PAQR5: variants seen among roughly 807,000 people sequenced by gnomAD.
PAQR5 encodes membrane progestin receptor gamma.
PAQR5 carries 20 observed loss-of-function variants against 34.5 expected under a neutral mutation model. The ratio of observed to expected loss-of-function variants is 0.58; its 90% CI spans 0.41 to 0.84. The LOEUF (loss-of-function observed/expected upper bound fraction) is 0.84. Among genes scored for constraint, PAQR5 ranks in the 40% least tolerant of loss-of-function variants. PAQR5 has a pLI of 0.00. For synonymous variants in PAQR5, 131 were observed against 155.6 expected, an observed-to-expected ratio of 0.84 and a Z score of 1.18; for missense variants, 378 against 412.7, an observed-to-expected ratio of 0.92 and a Z score of 0.73.
chr15:69,402,778 C>T (rs1000822091), intron 8 of PAQR5, among the ~76,000 whole-genome samples: 2 of 152,194 alleles, frequency 1.3e-5, no homozygotes, highest in Non-Finnish European at 2.9e-5. Context: ...TCATTCAGCC[C>T]ATAACACATG....
intron 6 of PAQR5, among the ~76,000 whole-genome samples, chr15:69,396,122 C>G (rs1005745838): frequency 6.6e-6 from 1 of 151,158 alleles, no homozygotes; most frequent in African/African-American, 2.4e-5. Flanking sequence ...GAGGAGGGTT[C>G]CCTAACTGCC....
At chr15:69,390,548 T>C (rs1323177762) in intron 6 of PAQR5, among the ~76,000 whole-genome samples, 2 of 152,098 alleles carry the variant, frequency 1.3e-5, no homozygotes, top group Non-Finnish European at 2.9e-5. Context: ...CTGGTTCCAT[T>C]TGCTGGACAA....
chr15:69,309,324 C>A (rs777619289), intron 1 of PAQR5, among the ~76,000 whole-genome samples: 1 of 152,160 alleles, frequency 6.6e-6, no homozygotes, highest in African/African-American at 2.4e-5. Flanking sequence ...GCTCCAGGCG[C>A]AGGGCATGGG....
chr15:69,404,056 G>T lies in PAQR5; in HGVS notation c.*234G>T. The T allele has an allele frequency of 2.1e-6, 1 of 465,184 alleles. No individual in the cohort carries two copies. The highest frequency in any genetic ancestry group is 3.7e-5 in the South Asian group (1 of 27,370). The allele number at this position is 465,184 out of a possible 1,614,324, so 28.8% of individuals were successfully genotyped here. Reference sequence around the variant, plus strand: ...TATGGTTCAAGCAAGTCCTTGTTAAGGCAAACTATTGATATTTCATTAATT... The same window carrying T: ...TATGGTTCAAGCAAGTCCTTGTTAATGCAAACTATTGATATTTCATTAATT... On this transcript the variant is annotated 3_prime_UTR_variant, in exon 9 of 9. Transcript: ENST00000395407.
At chr15:69,373,284 TAACC>T (rs2055612489) in intron 3 of PAQR5, among the ~76,000 whole-genome samples, 1 of 2,374 alleles carries the variant, frequency 4.2e-4, no homozygotes, top group African/African-American at 5.1e-4. Context: ...TGTAACCTAA[TAACC>T]TAATATATTC....
In PAQR5 at chr15:69,315,066, G is replaced by A. The variant is rs1038191380; in HGVS notation, c.-277+16010G>A. Among the ~76,000 whole-genome samples the A allele has an allele frequency of 4.1e-4, 63 of 152,216 alleles. 1 individual carries two copies. Among genetic ancestry groups the A allele is most frequent in the African/African-American group, 1.5e-3 (61 of 41,528 alleles). On this transcript the variant is annotated intron_variant, in intron 1 of 8. Coordinates refer to ENST00000395407, the MANE Select transcript of PAQR5 (RefSeq NM_017705.4). Reference sequence around the variant, plus strand: ...CTATTCTCTCAGCCTGGGATGAGGAGACTGAAGGGTGTGCAGCTTGTGCAG... The same window carrying A: ...CTATTCTCTCAGCCTGGGATGAGGAAACTGAAGGGTGTGCAGCTTGTGCAG...
chr15:69,343,138 T>C (rs2054683785), intron 2 of PAQR5, among the ~76,000 whole-genome samples: 1 of 152,248 alleles, frequency 6.6e-6, no homozygotes, highest in East Asian at 1.9e-4. Context: ...CATGTTTCCA[T>C]TTTAAAGCAA....
rs1360531654 is a variant in PAQR5, at chr15:69,322,811, G to GGAAGAAGAAGAAGAAGAAGAAGAA, written c.-276-14527_-276-14504dup. ...ACGAGGAAGAAGAAGAAGAGGAAGA[G>GGAAGAAGAAGAAGAAGAAGAAGAA]GAAGAAGAAGAAGAAGAAGAAGAAG... On this transcript the variant is annotated intron_variant, in intron 1 of 8. Transcript: ENST00000395407. Among the ~76,000 whole-genome samples, 24 of 25,364 alleles carry GGAAGAAGAAGAAGAAGAAGAAGAA rather than the reference G, an allele frequency of 9.5e-4. 10 individuals are homozygous for GGAAGAAGAAGAAGAAGAAGAAGAA. Among genetic ancestry groups the GGAAGAAGAAGAAGAAGAAGAAGAA allele is most frequent in the African/African-American group, 2.0e-3 (22 of 10,832 alleles). The allele number at this position is 25,364 out of a possible 152,430, so 16.6% of individuals were successfully genotyped here. A position where few individuals can be genotyped will look rare whatever the true frequency, so the allele number is the denominator to read the frequency against.
intron 3 of PAQR5, among the ~76,000 whole-genome samples, chr15:69,368,198 A>G (rs1400598312): frequency 6.6e-6 from 1 of 151,912 alleles, no homozygotes; most frequent in Non-Finnish European, 1.5e-5. Flanking sequence ...GATTACGGGC[A>G]TGCACCACCA....
At chr15:69,307,315 C>G (rs1233797303) in intron 1 of PAQR5, among the ~76,000 whole-genome samples, 1 of 152,158 alleles carries the variant, frequency 6.6e-6, no homozygotes, top group East Asian at 1.9e-4. Context: ...CTCTCACTTC[C>G]TTTGGATGCG....
chr15:69,332,782 A>T (rs1399661592), intron 1 of PAQR5, among the ~76,000 whole-genome samples: 1 of 21,494 alleles, frequency 4.7e-5, no homozygotes, highest in African/African-American at 8.9e-5. Context: ...AATCTTGTAA[A>T]AAAAAAAAAA....
At position 69,331,311 on chromosome 15, in the gene PAQR5, G is replaced by T. The variant is rs116321948; in HGVS notation, c.-276-6030G>T. Reference sequence around the variant, plus strand: ...AGGGTGTCTGTTCAGCTCCTGCGGGGTCTCAGTTGGCTCTTTCTAACTAGT... The same window carrying T: ...AGGGTGTCTGTTCAGCTCCTGCGGGTTCTCAGTTGGCTCTTTCTAACTAGT... On this transcript the variant is annotated intron_variant, in intron 1 of 8. Coordinates refer to ENST00000395407, the MANE Select transcript of PAQR5 (RefSeq NM_017705.4). Among the ~76,000 whole-genome samples the T allele has an allele frequency of 2.7e-3, 408 of 152,314 alleles. 3 individuals are homozygous for T. Among genetic ancestry groups the T allele is most frequent in the African/African-American group, 9.5e-3 (394 of 41,562 alleles).
intron 1 of PAQR5, among the ~76,000 whole-genome samples, chr15:69,306,181 G>A (rs947104658): frequency 1.3e-5 from 2 of 152,062 alleles, no homozygotes; most frequent in Non-Finnish European, 2.9e-5. Context: ...CCACCCAGCT[G>A]TGTTGCGGGG....
Position 69,389,595 on chromosome 15 carries a change from AG to A in PAQR5, c.386-55del. On this transcript the variant is annotated intron_variant, in intron 5 of 8. Coordinates refer to ENST00000395407, the MANE Select transcript of PAQR5 (RefSeq NM_017705.4). ...CCAGATGCTGGGGACAGTCTTTGCA[AG>A]GGGCCCATGTGGTGCCAAGGCCTGG... The A allele has an allele frequency of 2.5e-6, 4 of 1,607,962 alleles. No individual in the cohort carries two copies. In the South Asian group the frequency reaches 4.4e-5, roughly 18 times the overall value.
At chr15:69,378,666 C>T (rs955468692) in intron 3 of PAQR5, among the ~76,000 whole-genome samples, 2 of 152,016 alleles carry the variant, frequency 1.3e-5, no homozygotes, top group East Asian at 3.8e-4. Flanking sequence ...CTAATATTAT[C>T]ATTGTTATTA....
chr15:69,390,352 A>ATTTTTTTTTTT lies in PAQR5; in HGVS notation c.512+575_512+576insTTTTTTTTTTT, dbSNP rs1270003563. 2.3e-5 allele frequency among the ~76,000 whole-genome samples: 3 copies of ATTTTTTTTTTT among 128,180 alleles called. 1 individual carries two copies. Among genetic ancestry groups the ATTTTTTTTTTT allele is most frequent in the African/African-American group, 8.3e-5 (3 of 36,184 alleles). 84.1% of individuals were successfully genotyped at this position (128,180 alleles called of 152,430 possible). ...TATTTATTTATTTATTTATTTATTT[A>ATTTTTTTTTTT]TTTATTTATTTTTTTGAGACAGGGT... On this transcript the variant is annotated intron_variant, in intron 6 of 8. Transcript: ENST00000395407.
chr15:69,333,222 C>T (rs753680872), intron 1 of PAQR5, among the ~76,000 whole-genome samples: 3 of 151,986 alleles, frequency 2.0e-5, no homozygotes, highest in Non-Finnish European at 2.9e-5. Flanking sequence ...ACAGAGGAGG[C>T]ACCACGAACC....
chr15:69,400,163 G>A (rs776116982), intron 8 of PAQR5, 48 bp downstream of exon 8: 1 of 1,565,672 alleles, frequency 6.4e-7, no homozygotes, highest in South Asian at 1.2e-5. Context: ...CTCCTGACTG[G>A]GGAGGGTCCT....
At chr15:69,329,502 TGCTCTGTCACCTC>T (rs1198981802) in intron 1 of PAQR5, among the ~76,000 whole-genome samples, 3 of 145,520 alleles carry the variant, frequency 2.1e-5, no homozygotes. Context: ...GAGAGAGCCT[TGCTCTGTCACCTC>T]GCTCTGTCTG....
Sources: allele counts gnomAD v4.1 joint callset (sites outside exome capture counted in the v4.1 genomes callset), GRCh38; gene constraint gnomAD v4.1.1; transcripts MANE v1.5; gene names NCBI Gene and HGNC (gene_info 2026-07-23, HGNC 2026-07-21).